PTPRO: variants seen among roughly 807,000 people sequenced by gnomAD.
PTPRO encodes the protein protein tyrosine phosphatase receptor type O.
A neutral mutation model predicts 145.2 loss-of-function variants in PTPRO; 62 were observed. That is an observed-to-expected ratio of 0.43 (90% confidence interval 0.35 to 0.53). The LOEUF is 0.53. PTPRO is among the 20% of genes least tolerant of loss of function. The pLI, the probability that PTPRO is intolerant of heterozygous loss-of-function variation, is 0.01. For missense variants in PTPRO, 1,345 were observed against 1,482.7 expected, an observed-to-expected ratio of 0.91 and a Z score of 1.53; for synonymous variants, 565 against 514.7, an observed-to-expected ratio of 1.10 and a Z score of -1.32.
chr12:15,515,130 G>C (rs1420279858), intron 7 of PTPRO, among the ~76,000 whole-genome samples: 1 of 152,044 alleles, frequency 6.6e-6, no homozygotes, highest in Non-Finnish European at 1.5e-5. Context: ...AGACATTTCC[G>C]TACTGACCTT....
intron 12 of PTPRO, among the ~76,000 whole-genome samples, chr12:15,530,642 A>T (rs1316845233): frequency 6.6e-6 from 1 of 152,206 alleles, no homozygotes; most frequent in African/African-American, 2.4e-5. Flanking sequence ...GTCAATGAAG[A>T]AATTAAGAAA....
chr12:15,494,612 G>GAA (rs1481311238), intron 2 of PTPRO, among the ~76,000 whole-genome samples: 1 of 152,056 alleles, frequency 6.6e-6, no homozygotes, highest in African/African-American at 2.4e-5. Flanking sequence ...GAAGCTGAGG[G>GAA]AAACATAAAA....
rs547591796 is a variant in PTPRO, at chr12:15,501,130, CAT to C, written c.662-489_662-488del. On this transcript the variant is annotated intron_variant, in intron 4 of 26. Coordinates refer to ENST00000281171, the MANE Select transcript of PTPRO (RefSeq NM_030667.3). Reference sequence around the variant, plus strand: ...GTGAGGAGTGAAGCTATATTTCTAACATGTGTGTTAACATCTCTAAAGGCAAC... The same window carrying C: ...GTGAGGAGTGAAGCTATATTTCTAACGTGTGTTAACATCTCTAAAGGCAAC... Among the ~76,000 whole-genome samples, 421 of 152,268 alleles carry C rather than the reference CAT, an allele frequency of 2.8e-3. 4 individuals are homozygous for C. Among genetic ancestry groups the C allele is most frequent in the African/African-American group, 9.7e-3 (404 of 41,556 alleles).
chr12:15,407,053 T>A (rs2136307105), intron 1 of PTPRO, among the ~76,000 whole-genome samples: 1 of 152,334 alleles, frequency 6.6e-6, no homozygotes, highest in Non-Finnish European at 1.5e-5. Context: ...TTGCAATATT[T>A]AATTCAGTCA....
intron 23 of PTPRO, among the ~76,000 whole-genome samples, chr12:15,585,448 A>AGG (rs1223536818): frequency 2.0e-5 from 3 of 152,164 alleles, no homozygotes; most frequent in Non-Finnish European, 4.4e-5. Context: ...ATAGTAGGGG[A>AGG]GGCACTGCAT....
Position 15,437,113 on chromosome 12 carries a change from G to T in PTPRO, c.76-46861G>T, listed in dbSNP as rs563082532. 1.5e-3 allele frequency among the ~76,000 whole-genome samples: 226 copies of T among 151,826 alleles called. 4 individuals are homozygous for T. In the South Asian group the frequency reaches 0.045, roughly 30 times the overall value. On this transcript the variant is annotated intron_variant, in intron 1 of 26. Coordinates refer to ENST00000281171, the MANE Select transcript of PTPRO (RefSeq NM_030667.3). ...CCACCCTTCCTTGATGTATATGGTG[G>T]TACAGAGAGGGTCTCTGTGCTCCAT...
chr12:15,570,269 G>C (rs906884903), intron 19 of PTPRO, among the ~76,000 whole-genome samples: 4 of 149,644 alleles, frequency 2.7e-5, no homozygotes, highest in Middle Eastern at 3.3e-3. Context: ...TGGCTTGAGT[G>C]GTCAGTGATT....
chr12:15,424,515 T>A (rs1940230222), intron 1 of PTPRO, among the ~76,000 whole-genome samples: 1 of 152,084 alleles, frequency 6.6e-6, no homozygotes, highest in Non-Finnish European at 1.5e-5. Context: ...AAACTAGTGA[T>A]GGCCTGGATC....
At chr12:15,496,043 C>G (rs73307886) in intron 2 of PTPRO, among the ~76,000 whole-genome samples, 10,490 of 151,160 alleles carry the variant, frequency 0.069, 1,001 homozygotes, top group African/African-American at 0.22. Flanking sequence ...AATTTGAGAA[C>G]AGAAGTTATA....
Position 15,586,929 on chromosome 12 carries a change from C to T in PTPRO, c.3288C>T (p.Asn1096=), listed in dbSNP as rs746470668. ...ADEMQDVMHF[N]YTAWPDHGVP... is the part of the protein sequence containing the mutation. Reference sequence around the variant, plus strand: ...AGATGCAGGATGTGATGCATTTTAACTACACTGCATGGCCTGATCATGGTG... The same window carrying T: ...AGATGCAGGATGTGATGCATTTTAATTACACTGCATGGCCTGATCATGGTG... The change falls in exon 24 of 27, where the codon AAC becomes AAT. Residue 1096 remains asparagine, a synonymous_variant. Transcript: ENST00000281171. 7.5e-5 allele frequency: 121 copies of T among 1,613,996 alleles called. 1 individual carries two copies. The South Asian group carries it at 1.2e-3, about 16-fold the overall frequency.
chr12:15,347,851 T>C (rs990856917), intron 1 of PTPRO, among the ~76,000 whole-genome samples: 5 of 152,198 alleles, frequency 3.3e-5, no homozygotes, highest in Non-Finnish European at 5.9e-5. Context: ...ATAACACTTA[T>C]GAAAAGTTAT....
chr12:15,340,955 T>G (rs976469699), intron 1 of PTPRO, among the ~76,000 whole-genome samples: 2 of 152,214 alleles, frequency 1.3e-5, no homozygotes, highest in African/African-American at 4.8e-5. Flanking sequence ...AATACTCTTA[T>G]CTGACAAAGT....
rs1229835088 is a variant in PTPRO, at chr12:15,457,606, TATTTTATATTGAA to T, written c.76-26355_76-26343del. Among the ~76,000 whole-genome samples, 7 of 152,230 alleles carry T rather than the reference TATTTTATATTGAA, an allele frequency of 4.6e-5. No homozygotes were observed. The East Asian group carries it at 1.2e-3, about 25-fold the overall frequency. On this transcript the variant is annotated intron_variant, in intron 1 of 26. Coordinates refer to ENST00000281171, the MANE Select transcript of PTPRO (RefSeq NM_030667.3). The stretch of plus-strand genomic sequence containing the variant: ...TATTTTTTAAAATTTTTTATATTGA[TATTTTATATTGAA>T]ATTTTATATTGATATTTTATGTAGG...
At chr12:15,487,749 G>A (rs1349686750) in intron 2 of PTPRO, among the ~76,000 whole-genome samples, 1 of 152,154 alleles carries the variant, frequency 6.6e-6, no homozygotes, top group Non-Finnish European at 1.5e-5. Flanking sequence ...AGAACTTTGG[G>A]ATGATGGAAA....
At position 15,357,719 on chromosome 12, in the gene PTPRO, T is replaced by TA. The variant is rs550448905; in HGVS notation, c.75+34923dup. Reference sequence around the variant, plus strand: ...TCACACCACTTAGAATGGCAATCATTAAAAAGTCAGGAAACAACAGGTGCT... The same window carrying TA: ...TCACACCACTTAGAATGGCAATCATTAAAAAAGTCAGGAAACAACAGGTGCT... On this transcript the variant is annotated intron_variant, in intron 1 of 26. Transcript: ENST00000281171. Among the ~76,000 whole-genome samples the TA allele has an allele frequency of 8.6e-5, 13 of 151,332 alleles. No individual in the cohort carries two copies. In the South Asian group the frequency reaches 2.8e-3, roughly 32 times the overall value.
chr12:15,557,102 G>A (rs961097861), intron 15 of PTPRO, among the ~76,000 whole-genome samples: 8 of 150,606 alleles, frequency 5.3e-5, no homozygotes, highest in African/African-American at 9.8e-5. Flanking sequence ...GTGCGGTGGC[G>A]CGATCTCTGC....
chr12:15,484,051 T>G lies in PTPRO; in HGVS notation c.153T>G (p.Ser51Arg). 1 of 1,613,850 alleles carries G rather than the reference T, an allele frequency of 6.2e-7. No homozygotes were observed. Among genetic ancestry groups the G allele is most frequent in the Non-Finnish European group, 8.5e-7 (1 of 1,179,760 alleles). ...VVSLEASDVI[S>R]PASVYVVKIT... ...CATTAGAAGCTTCAGACGTCATCAG[T>G]CCAGCATCTGTGTATGTTGTGAAGA... The change falls in exon 2 of 27, where the codon AGT becomes AGG. Residue 51 changes from serine (S) to arginine (R), a missense_variant. Around this residue, in one of 3 missense-constraint regions of PTPRO, gnomAD observed 1,130 missense variants for 1,214.7 expected, o/e 0.93. Coordinates refer to ENST00000281171, the MANE Select transcript of PTPRO (RefSeq NM_030667.3).
At chr12:15,395,208 C>T (rs1939301601) in intron 1 of PTPRO, among the ~76,000 whole-genome samples, 4 of 152,048 alleles carry the variant, frequency 2.6e-5, no homozygotes. Context: ...AGCAGAAGAG[C>T]AGGAGCAGAT....
chr12:15,501,947 C>G lies in PTPRO; in HGVS notation c.989C>G (p.Thr330Arg). 1 of 1,613,932 alleles carries G rather than the reference C, an allele frequency of 6.2e-7. No homozygotes were observed. The highest frequency in any genetic ancestry group is 8.5e-7 in the Non-Finnish European group (1 of 1,179,842). ...GAAAATAACAGTACACTCAGTGAGA[C>G]AGAGAAGTCAACATCAGGCTCTTTC... ...EYENNSTLSETEKSTSGSFSF... is the reference protein window; with the variant it reads ...EYENNSTLSEREKSTSGSFSF... The change falls in exon 5 of 27, where the codon ACA (threonine) becomes AGA (arginine). Residue 330 changes from threonine (T) to arginine (R), a missense_variant. Thr to Arg is a moderately conservative substitution (Grantham distance 71). Around this residue, in one of 3 missense-constraint regions of PTPRO, gnomAD observed 1,130 missense variants for 1,214.7 expected, o/e 0.93. Transcript: ENST00000281171.
Sources: allele counts gnomAD v4.1 joint callset (sites outside exome capture counted in the v4.1 genomes callset), GRCh38; gene constraint gnomAD v4.1.1; regional missense constraint gnomAD v4.1.1; transcripts MANE v1.5; gene names NCBI Gene and HGNC (gene_info 2026-07-23, HGNC 2026-07-21).